GDNF: variants seen among roughly 807,000 people sequenced by gnomAD.
The protein encoded by GDNF is glial cell line-derived neurotrophic factor.
GDNF carries 5 observed loss-of-function variants against 13.7 expected under a neutral mutation model. That is an observed-to-expected ratio of 0.36 (90% CI 0.19 to 0.77). GDNF has a LOEUF of 0.77. Ranked by LOEUF, GDNF falls within the 30% of genes least tolerant of loss-of-function variation. GDNF has a pLI of 0.51. For synonymous variants in GDNF, 122 were observed against 112.5 expected, an observed-to-expected ratio of 1.08 and a Z score of -0.53; for missense variants, 246 against 274.3, an observed-to-expected ratio of 0.90 and a Z score of 0.73.
Position 37,838,378 on chromosome 5 carries a change from G to A in GDNF, c.-27+1129C>T, listed in dbSNP as rs1481017004. The stretch of plus-strand genomic sequence containing the variant: ...TCGAGGCCGGCTTTGACGGCTTTGC[G>A]GGACTGGGTGCGTGAATGAGGTTGG... On this transcript the variant is annotated intron_variant, in intron 1 of 2. Coordinates refer to ENST00000326524, the MANE Select transcript of GDNF (RefSeq NM_000514.4). The surrounding 1 kb of genome is among the most constrained non-coding windows in gnomAD (Gnocchi z 4.1). 6.6e-6 allele frequency among the ~76,000 whole-genome samples: 1 copy of A among 152,216 alleles called. No individual in the cohort carries two copies. The highest frequency in any genetic ancestry group is 2.1e-4 in the South Asian group (1 of 4,832).
intron 2 of GDNF, among the ~76,000 whole-genome samples, chr5:37,832,595 C>G (rs757130818): frequency 6.6e-6 from 1 of 152,194 alleles, no homozygotes; most frequent in Non-Finnish European, 1.5e-5. Context: ...ATCTTGTTCA[C>G]TGATGACACA....
intron 2 of GDNF, among the ~76,000 whole-genome samples, chr5:37,830,306 C>T (rs1561134117): frequency 1.3e-5 from 2 of 152,196 alleles, no homozygotes. Flanking sequence ...GCCTTGGTTC[C>T]CTCCTTCCCA....
Position 37,838,022 on chromosome 5 carries a change from G to A in GDNF, c.-27+1485C>T, listed in dbSNP as rs960533984. Among the ~76,000 whole-genome samples the A allele has an allele frequency of 2.7e-5, 4 of 150,880 alleles. No homozygotes were observed. Among genetic ancestry groups the A allele is most frequent in the African/African-American group, 4.9e-5 (2 of 40,956 alleles). The stretch of plus-strand genomic sequence containing the variant: ...TTTTTTTTTTTTTTTTTGGCGGGGG[G>A]AGGTAGAGACAGAAATTGCTGGAAG... On this transcript the variant is annotated intron_variant, in intron 1 of 2. Coordinates refer to ENST00000326524, the MANE Select transcript of GDNF (RefSeq NM_000514.4). This position sits in a 1 kb window ranked among gnomAD's most constrained non-coding sequence, Gnocchi z 4.1.
intron 2 of GDNF, among the ~76,000 whole-genome samples, chr5:37,831,266 CAT>C (rs967740943): frequency 2.0e-5 from 3 of 152,192 alleles, no homozygotes; most frequent in African/African-American, 7.2e-5. Flanking sequence ...TACCACCACA[CAT>C]GTGCATTTAC....
At position 37,838,535 on chromosome 5, in the gene GDNF, C is replaced by G. The variant is rs1370222502; in HGVS notation, c.-27+972G>C. 6.6e-6 allele frequency among the ~76,000 whole-genome samples: 1 copy of G among 152,212 alleles called. No homozygotes were observed. The highest frequency in any genetic ancestry group is 1.5e-5 in the Non-Finnish European group (1 of 68,038). On this transcript the variant is annotated intron_variant, in intron 1 of 2. Transcript: ENST00000326524. This position sits in a 1 kb window ranked among gnomAD's most constrained non-coding sequence, Gnocchi z 4.1. ...TCCCCGCCTATGAGCAGAAGGGTCG[C>G]GAGCTCTGGGATGGGTAAGCCCCCC...
At chr5:37,824,816 C>A (rs1366012000) in intron 2 of GDNF, among the ~76,000 whole-genome samples, 1 of 152,184 alleles carries the variant, frequency 6.6e-6, no homozygotes, top group Non-Finnish European at 1.5e-5. Flanking sequence ...AAAACAATTA[C>A]CAGCTGAGGC....
intron 1 of GDNF, among the ~76,000 whole-genome samples, chr5:37,836,457 G>GGCTC (rs897725866): frequency 6.6e-6 from 1 of 152,092 alleles, no homozygotes; most frequent in African/African-American, 2.4e-5. Context: ...GCAGCTGTTG[G>GGCTC]GCTCGAGAGG....
In GDNF at chr5:37,838,032, C is replaced by A. The variant is rs1750771976; in HGVS notation, c.-27+1475G>T. 7.2e-6 allele frequency among the ~76,000 whole-genome samples: 1 copy of A among 139,060 alleles called. No homozygotes were observed. Among genetic ancestry groups the A allele is most frequent in the Non-Finnish European group, 1.5e-5 (1 of 65,968 alleles). The allele number at this position is 139,060 out of a possible 152,430, so 91.2% of individuals were successfully genotyped here. ...TTTTTTTGGCGGGGGGAGGTAGAGA[C>A]AGAAATTGCTGGAAGATCTATTGCT... On this transcript the variant is annotated intron_variant, in intron 1 of 2. Transcript: ENST00000326524. This position sits in a 1 kb window ranked among gnomAD's most constrained non-coding sequence, Gnocchi z 4.1.
At chr5:37,835,582 C>A in intron 1 of GDNF, 1 of 1,510,326 alleles carries the variant, frequency 6.6e-7, no homozygotes, top group Non-Finnish European at 9.0e-7. Flanking sequence ...CATTAAATCA[C>A]GCATGACAAG....
In GDNF at chr5:37,834,688, A is replaced by T. The variant is rs1209686335; in HGVS notation, c.109T>A (p.Ser37Thr). 18 of 1,608,306 alleles carry T rather than the reference A, an allele frequency of 1.1e-5. No individual in the cohort carries two copies. Among genetic ancestry groups the T allele is most frequent in the Non-Finnish European group, 1.4e-5 (16 of 1,177,550 alleles). The part of the protein sequence containing the change: ...RPPEAPAEDR[S>T]LGRRRAPFAL... ...AAGGGCGCGCGGCGGCGGCCGAGGG[A>T]GCGGTCTTCGGCGGGCGCCTCGGGA... Residue 37 changes from serine (S) to threonine (T), a missense_variant, in exon 2 of 3, where the codon TCC becomes ACC. Coordinates refer to ENST00000326524, the MANE Select transcript of GDNF (RefSeq NM_000514.4).
At chr5:37,816,471 T>C (rs1262839467) in intron 2 of GDNF, among the ~76,000 whole-genome samples, 1 of 152,198 alleles carries the variant, frequency 6.6e-6, no homozygotes, top group Non-Finnish European at 1.5e-5. Flanking sequence ...TAGGGGCATT[T>C]TTCTTGCCTA....
At position 37,836,737 on chromosome 5, in the gene GDNF, G is replaced by C. The variant is rs919706511; in HGVS notation, c.-26-1915C>G. Among the ~76,000 whole-genome samples the C allele has an allele frequency of 6.6e-4, 100 of 152,236 alleles. 7 individuals are homozygous for C. Among genetic ancestry groups the C allele is most frequent in the Admixed American group, 6.5e-5 (1 of 15,292 alleles). ...TCCGACCGGAGGAGCATGGAGGCGC[G>C]GGGTTAATGCGCCATTCCAAATCGC... On this transcript the variant is annotated intron_variant, in intron 1 of 2. Coordinates refer to ENST00000326524, the MANE Select transcript of GDNF (RefSeq NM_000514.4).
chr5:37,833,658 G>C (rs1750599920), intron 2 of GDNF, among the ~76,000 whole-genome samples: 1 of 152,152 alleles, frequency 6.6e-6, no homozygotes, highest in South Asian at 2.1e-4. Flanking sequence ...AAAGTTACTA[G>C]AGGGATAATT....
At position 37,812,808 on chromosome 5, in the gene GDNF, T is replaced by G. The variant is rs1246913515; in HGVS notation, c.*2843A>C. On this transcript the variant is annotated 3_prime_UTR_variant, in exon 3 of 3. Coordinates refer to ENST00000326524, the MANE Select transcript of GDNF (RefSeq NM_000514.4). ...AGAGAAGTCAGAACTTCCAAACAAG[T>G]GCACTCCTTACGGTATCAGATGGTG... 3 of 139,882 alleles carry G rather than the reference T, an allele frequency of 2.1e-5. No individual in the cohort carries two copies. Among genetic ancestry groups the G allele is most frequent in the Non-Finnish European group, 5.0e-5 (3 of 60,070 alleles). 8.7% of individuals were successfully genotyped at this position (139,882 alleles called of 1,614,324 possible).
Position 37,816,132 on chromosome 5 carries a change from T to C in GDNF, c.155A>G (p.Asn52Ser), listed in dbSNP as rs771571405. ...CTGATCAGGATAATCCTCTGGCATA[T>C]TTGCTGTTCAAAAAGAAAAGAGAAA... ...RAPFALSSDS[N>S]MPEDYPDQFD... Residue 52 changes from asparagine to serine, a missense_variant, in exon 3 of 3, where the codon AAT becomes AGT. Coordinates refer to ENST00000326524, the MANE Select transcript of GDNF (RefSeq NM_000514.4). 1 of 1,613,866 alleles carries C rather than the reference T, an allele frequency of 6.2e-7. No homozygotes were observed. The highest frequency in any genetic ancestry group is 8.5e-7 in the Non-Finnish European group (1 of 1,179,794).
chr5:37,836,942 G>A (rs1750728127), intron 1 of GDNF, among the ~76,000 whole-genome samples: 1 of 152,240 alleles, frequency 6.6e-6, no homozygotes, highest in South Asian at 2.1e-4. Flanking sequence ...CGTCGCCAGA[G>A]GAGGCTCCCG....
At chr5:37,821,525 T>C (rs1750141180) in intron 2 of GDNF, among the ~76,000 whole-genome samples, 1 of 152,186 alleles carries the variant, frequency 6.6e-6, no homozygotes, top group South Asian at 2.1e-4. Context: ...ATCTAAAATA[T>C]AAAGTTTTTG....
chr5:37,816,994 C>A (rs539570037), intron 2 of GDNF, among the ~76,000 whole-genome samples: 1 of 152,314 alleles, frequency 6.6e-6, no homozygotes, highest in Admixed American at 6.5e-5. Flanking sequence ...ATTTATGTAT[C>A]ACAGCAATAA....
rs115331973 is a variant in GDNF at position 37,828,032 on chromosome 5, G to A, written c.151+6614C>T. 4.5e-3 allele frequency among the ~76,000 whole-genome samples: 690 copies of A among 152,318 alleles called. 2 individuals are homozygous for A. Among genetic ancestry groups the A allele is most frequent in the African/African-American group, 0.016 (656 of 41,554 alleles). ...ATTTTGTTATTAAAGTTATGCAAAA[G>A]TGGGTTTTGCCTCTACTGAGCTAAC... On this transcript the variant is annotated intron_variant, in intron 2 of 2. Coordinates refer to ENST00000326524, the MANE Select transcript of GDNF (RefSeq NM_000514.4).
Sources: gnomAD v4.1 joint callset for allele counts (sites outside exome capture counted in the v4.1 genomes callset) on GRCh38, gnomAD v4.1.1 for gene constraint, Gnocchi (gnomAD v3.1) non-coding constraint, MANE v1.5 for transcripts, NCBI Gene and HGNC (gene_info 2026-07-23, HGNC 2026-07-21) for gene names.